EEF2: variants seen among roughly 807,000 people sequenced by gnomAD.
The protein encoded by EEF2 is elongation factor 2.
EEF2 carries 21 observed loss-of-function variants against 85.3 expected under a neutral mutation model. The observed-to-expected ratio is 0.25, with a 90% CI of 0.17 to 0.35. The LOEUF (loss-of-function observed/expected upper bound fraction) is 0.35, where lower values mean the gene tolerates loss of function less well. Ranked by LOEUF, EEF2 falls within the 10% of genes least tolerant of loss-of-function variation. EEF2 has a pLI of 1.00. For missense variants in EEF2, 825 were observed against 1,225.3 expected, an observed-to-expected ratio of 0.67 and a Z score of 4.88; for synonymous variants, 723 against 508.8, an observed-to-expected ratio of 1.42 and a Z score of -5.67.
rs761019324 is a variant in EEF2, at chr19:3,977,176, C to G, written c.2383+39G>C. ...ACTGGGCTTCTGTCCCCCAAACCAGCCTGCCAGGCTCTGCAGGCCACACCG... is the reference window on the plus strand; with the variant it reads ...ACTGGGCTTCTGTCCCCCAAACCAGGCTGCCAGGCTCTGCAGGCCACACCG... On this transcript the variant is annotated intron_variant, in intron 14 of 14. Transcript: ENST00000309311. This position sits in a 1 kb window ranked among gnomAD's most constrained non-coding sequence, Gnocchi z 5.4. 7 of 1,600,450 alleles carry G rather than the reference C, an allele frequency of 4.4e-6. No individual in the cohort carries two copies. Among genetic ancestry groups the G allele is most frequent in the Non-Finnish European group, 4.3e-6 (5 of 1,171,586 alleles).
chr19:3,983,844 G>A (rs2039786128), intron 2 of EEF2: 11 of 469,336 alleles, frequency 2.3e-5, no homozygotes, highest in South Asian at 2.1e-4. Context: ...CCCCTCCCAG[G>A]TGTGACAGCC....
chr19:3,980,154 GC>G (rs2039727368), intron 9 of EEF2, 88 bp from the exon 10 acceptor site: 2 of 1,521,932 alleles, frequency 1.3e-6, no homozygotes, highest in East Asian at 4.6e-5. Context: ...GGAGTTGGTG[GC>G]CCTCCTGCCA....
chr19:3,984,088 C>T, intron 2 of EEF2, 48 bp downstream of exon 2: 1 of 1,596,848 alleles, frequency 6.3e-7, no homozygotes, highest in Non-Finnish European at 8.6e-7. Context: ...CCTCCAGCTG[C>T]CAGGCCAGCA....
rs1403306472 is a variant in EEF2 at position 3,977,714 on chromosome 19, G to C, written c.2068-104C>G. 7 of 1,481,790 alleles carry C rather than the reference G, an allele frequency of 4.7e-6. No homozygotes were observed. The highest frequency in any genetic ancestry group is 2.8e-5 in the African/African-American group (2 of 71,444). 91.8% of individuals were successfully genotyped at this position (1,481,790 alleles called of 1,614,324 possible). On this transcript the variant is annotated intron_variant, in intron 12 of 14. Transcript: ENST00000309311. The surrounding 1 kb of genome is among the most constrained non-coding windows in gnomAD (Gnocchi z 5.4). ...CTCCACCAGGGGGACCTGGGGCCTT[G>C]CCCGCCTTGGCCCCATTAGGGTCTC... is the stretch of plus-strand genomic sequence containing the variant.
Position 3,980,853 on chromosome 19 carries a change from C to T in EEF2, c.1138G>A (p.Glu380Lys), listed in dbSNP as rs2039737103. Residue 380 changes from glutamate to lysine, a missense_variant, in exon 8 of 15, where the codon GAG becomes AAG. Transcript: ENST00000309311. ...CGGGACCACGTACCCATGGCAGCCTCGTCGTCCGGGGGCCCCTCGTACAGG... is the reference window on the plus strand; with the variant it reads ...CGGGACCACGTACCCATGGCAGCCTTGTCGTCCGGGGGCCCCTCGTACAGG... ...ELLYEGPPDD[E>K]AAMGIKSCDP... The T allele has an allele frequency of 1.9e-6, 3 of 1,566,232 alleles. No individual in the cohort carries two copies. The highest frequency in any genetic ancestry group is 1.7e-6 in the Non-Finnish European group (2 of 1,157,044).
At position 3,981,798 on chromosome 19, in the gene EEF2, C is replaced by A. The variant is rs73920319; in HGVS notation, c.897+149G>T. 3 of 739,914 alleles carry A rather than the reference C, an allele frequency of 4.1e-6. No homozygotes were observed. The East Asian group carries it at 7.4e-5, about 18-fold the overall frequency. The allele number at this position is 739,914 out of a possible 1,614,324, so 45.8% of individuals were successfully genotyped here. A position where few individuals can be genotyped will look rare whatever the true frequency, so the allele number is the denominator to read the frequency against. On this transcript the variant is annotated intron_variant, in intron 6 of 14. Coordinates refer to ENST00000309311, the MANE Select transcript of EEF2 (RefSeq NM_001961.4). The stretch of plus-strand genomic sequence containing the variant: ...AGATCTTAAGAGAGGAGCCCTGACT[C>A]CACCTCAGTTAGGAGCTGTGCCTCC...
At position 3,976,212 on chromosome 19, in the gene EEF2, TAAACCTCTTAATGCGTTTGTTAA is replaced by T. The variant is rs2145354349; in HGVS notation, c.*319_*341del. ...AGCCACTGCGGGCCATGTACCCAAATAAACCTCTTAATGCGTTTGTTAAAATTAGTTTGGACATCTGAGTTTCC... is the reference window on the plus strand; with the variant it reads ...AGCCACTGCGGGCCATGTACCCAAATAATTAGTTTGGACATCTGAGTTTCC... On this transcript the variant is annotated 3_prime_UTR_variant, in exon 15 of 15. Coordinates refer to ENST00000309311, the MANE Select transcript of EEF2 (RefSeq NM_001961.4). The T allele has an allele frequency of 3.3e-6, 1 of 299,958 alleles. No homozygotes were observed. The highest frequency in any genetic ancestry group is 9.5e-5 in the East Asian group (1 of 10,546). The allele number at this position is 299,958 out of a possible 1,614,324, so 18.6% of individuals were successfully genotyped here.
At position 3,977,094 on chromosome 19, in the gene EEF2, G is replaced by A. The variant is rs917316887; in HGVS notation, c.2383+121C>T. 4.3e-6 allele frequency: 6 copies of A among 1,410,536 alleles called. No individual in the cohort carries two copies. In the African/African-American group the frequency reaches 5.7e-5, roughly 13 times the overall value. The allele number at this position is 1,410,536 out of a possible 1,614,324, so 87.4% of individuals were successfully genotyped here. ...CAAGCTGTCAGAAACTGGACCACCT[G>A]CTCCATCCATCACCTGCTCCCATCA... On this transcript the variant is annotated intron_variant, in intron 14 of 14. Transcript: ENST00000309311. This position sits in a 1 kb window ranked among gnomAD's most constrained non-coding sequence, Gnocchi z 5.4.
intron 4 of EEF2, 131 bp downstream of exon 4, chr19:3,982,676 G>A: frequency 8.6e-7 from 1 of 1,166,004 alleles, no homozygotes. Flanking sequence ...AAACATTCCA[G>A]CCCCCTTCTC....
chr19:3,983,765 C>G (rs1021496224), intron 2 of EEF2: 73 of 328,240 alleles, frequency 2.2e-4, no homozygotes, highest in African/African-American at 1.5e-3. Flanking sequence ...GGGCCAGAAA[C>G]TGACATGGAA....
intron 10 of EEF2, 106 bp downstream of exon 10, chr19:3,979,702 C>A: frequency 6.7e-7 from 1 of 1,493,480 alleles, no homozygotes; most frequent in Non-Finnish European, 9.0e-7. Flanking sequence ...CTTTCATGAC[C>A]AGTCACCCCA....
intron 1 of EEF2, 25 bp from the exon 2 acceptor site, chr19:3,984,375 CCAGCTCGTGATTTCCAGGAACA>C: frequency 1.2e-6 from 2 of 1,608,366 alleles, no homozygotes; most frequent in Non-Finnish European, 1.7e-6. Context: ...GAGGCTCAGA[CCAGCTCGTGATTTCCAGGAACA>C]CAGCATGGCA....
In EEF2 at chr19:3,981,329, C is replaced by T. The variant is rs2039743994; in HGVS notation, c.1011+10G>A. Reference sequence around the variant, plus strand: ...TTCCCTCCACCCCGAGGGCTGGGCCCAGGCCGCACCTTCAGCAGGGGTTTG... The same window carrying T: ...TTCCCTCCACCCCGAGGGCTGGGCCTAGGCCGCACCTTCAGCAGGGGTTTG... On this transcript the variant is annotated intron_variant, in intron 7 of 14. Transcript: ENST00000309311. The T allele has an allele frequency of 6.2e-7, 1 of 1,613,452 alleles. No homozygotes were observed. The highest frequency in any genetic ancestry group is 1.3e-5 in the African/African-American group (1 of 74,942).
At chr19:3,983,059 C>T (rs770614616) in intron 3 of EEF2, 41 bp from the exon 4 acceptor site, 3 of 1,611,222 alleles carry the variant, frequency 1.9e-6, no homozygotes, top group Non-Finnish European at 2.5e-6. Context: ...CATCCTCAAG[C>T]AAGGATGGCC....
rs374895669 is a variant in EEF2 at position 3,981,932 on chromosome 19, G to C, written c.897+15C>G. On this transcript the variant is annotated intron_variant, in intron 6 of 14. Coordinates refer to ENST00000309311, the MANE Select transcript of EEF2 (RefSeq NM_001961.4). ...TAGTCGCATCGGCGGGGTGCCTGGC[G>C]CAGCCCTCACTCACCTTGAAGATGG... The C allele has an allele frequency of 6.2e-7, 1 of 1,611,212 alleles. No individual in the cohort carries two copies.
intron 11 of EEF2, 114 bp downstream of exon 11, chr19:3,979,215 G>T: frequency 1.3e-6 from 1 of 771,972 alleles, no homozygotes; most frequent in Non-Finnish European, 2.1e-6. Context: ...AAGAAGCTGA[G>T]ACCAAGACCG....
At position 3,982,066 on chromosome 19, in the gene EEF2, G is replaced by A. The variant is rs201398591; in HGVS notation, c.792-14C>T. The A allele has an allele frequency of 1.8e-4, 296 of 1,613,604 alleles. 1 individual carries two copies. Among genetic ancestry groups the A allele is most frequent in the South Asian group, 1.2e-4 (11 of 91,050 alleles). ...GGGTCAAAGTACCTGGCAAGGAGAG[G>A]CCAAGCCAAATCAAGTTAGGGTCTC... On this transcript the variant is annotated splice_polypyrimidine_tract_variant and intron_variant, in intron 5 of 14. Transcript: ENST00000309311.
chr19:3,982,558 T>G, intron 4 of EEF2, 134 bp from the exon 5 acceptor site: 1 of 1,274,264 alleles, frequency 7.8e-7, no homozygotes, highest in Non-Finnish European at 1.1e-6. Flanking sequence ...GAAGAAATGA[T>G]CAGTCATCAC....
chr19:3,980,448 CAA>C (rs961820268), intron 9 of EEF2, 64 bp downstream of exon 9: 8 of 1,535,898 alleles, frequency 5.2e-6, no homozygotes, highest in Middle Eastern at 1.9e-4. Context: ...CTGAGGAGCC[CAA>C]GACTTGGAGC....
Sources: gnomAD v4.1 joint callset for allele counts on GRCh38, gnomAD v4.1.1 for gene constraint, Gnocchi (gnomAD v3.1) non-coding constraint, MANE v1.5 for transcripts, NCBI Gene and HGNC (gene_info 2026-07-23, HGNC 2026-07-21) for gene names.